The following CAPN11 variants were observed in gnomAD, a reference collection of about 807,000 sequenced individuals.
The protein encoded by CAPN11 is calpain-11.
Under a neutral mutation model 105.3 loss-of-function variants are expected in CAPN11, and 108 were observed. The ratio of observed to expected loss-of-function variants is 1.03; its 90% CI spans 0.88 to 1.20. The LOEUF is 1.20. CAPN11 is among the 50% of genes most tolerant of loss of function. The probability of loss-of-function intolerance (pLI) is 0.00; values close to 1 mark genes in which losing one functional copy is unlikely to be tolerated. For synonymous variants in CAPN11, 329 were observed against 344.5 expected, an observed-to-expected ratio of 0.96 and a Z score of 0.50; for missense variants, 883 against 924.8, an observed-to-expected ratio of 0.95 and a Z score of 0.59.
At chr6:44,159,617 C>A (rs1768339888) in intron 1 of CAPN11, among the ~76,000 whole-genome samples, 1 of 152,138 alleles carries the variant, frequency 6.6e-6, no homozygotes, top group Non-Finnish European at 1.5e-5. Context: ...CAAACCCAGT[C>A]CTTGTTCTTC....
chr6:44,182,890 T>G (rs1774027434), intron 19 of CAPN11, 51 bp from the exon 20 acceptor site: 6 of 1,389,612 alleles, frequency 4.3e-6, no homozygotes, highest in Non-Finnish European at 6.0e-6. Context: ...TTTCATTATT[T>G]CAACCACCAT....
chr6:44,162,606 T>C (rs1769091485), intron 1 of CAPN11, among the ~76,000 whole-genome samples: 1 of 152,082 alleles, frequency 6.6e-6, no homozygotes, highest in Non-Finnish European at 1.5e-5. Flanking sequence ...GACGTCAAAG[T>C]GCACCCCACC....
At chr6:44,182,011 CAT>C (rs199962284) in intron 19 of CAPN11, among the ~76,000 whole-genome samples, 22 of 73,458 alleles carry the variant, frequency 3.0e-4, no homozygotes, top group Admixed American at 9.5e-4. Flanking sequence ...CACACACACA[CAT>C]ACACACTCAC....
intron 11 of CAPN11, 62 bp from the exon 12 acceptor site, chr6:44,177,180 C>A (rs1323052389): frequency 1.8e-5 from 28 of 1,523,314 alleles, no homozygotes; most frequent in Non-Finnish European, 2.3e-5. Context: ...CTCGGTCCAC[C>A]CTGGGAAGGG....
Position 44,176,311 on chromosome 6 carries a change from T to G in CAPN11, c.974T>G (p.Ile325Ser). The G allele has an allele frequency of 1.9e-6, 3 of 1,613,862 alleles. No individual in the cohort carries two copies. The highest frequency in any genetic ancestry group is 2.5e-6 in the Non-Finnish European group (3 of 1,179,856). ...LIRVRNPWGR[I>S]EWNGAWSDSA... ...CGGGTCCGGAATCCCTGGGGCCGGA[T>G]TGAGTGGAATGGAGCTTGGAGTGAC... Residue 325 changes from isoleucine (I) to serine (S), a missense_variant, in exon 9 of 23, where the codon ATT becomes AGT. Physicochemically the swap from Ile to Ser is moderately radical, Grantham distance 142 (BLOSUM62 -2). Coordinates refer to ENST00000398776, the MANE Select transcript of CAPN11 (RefSeq NM_007058.4).
Position 44,180,132 on chromosome 6 carries a change from C to T in CAPN11, c.1609C>T (p.Arg537Trp), listed in dbSNP as rs148790580. Residue 537 changes from arginine (R) to tryptophan (W), a missense_variant, in exon 14 of 23, where the codon CGG (arginine) becomes TGG (tryptophan). Physicochemically the swap from Arg to Trp is moderately radical, Grantham distance 101. Transcript: ENST00000398776. Reference sequence around the variant, plus strand: ...ACACAGAGATGCTGACTTCCTGCTTCGGGTCTTCACCGAGAAGCACAGCGA... The same window carrying T: ...ACACAGAGATGCTGACTTCCTGCTTTGGGTCTTCACCGAGAAGCACAGCGA... ...EPHRDADFLLRVFTEKHSESW... is the reference protein window; with the variant it reads ...EPHRDADFLLWVFTEKHSESW... 12 of 1,613,118 alleles carry T rather than the reference C, an allele frequency of 7.4e-6. No individual in the cohort carries two copies. The highest frequency in any genetic ancestry group is 3.4e-4 in the Middle Eastern group (2 of 5,842).
intron 19 of CAPN11, among the ~76,000 whole-genome samples, chr6:44,182,285 CCA>C (rs70993439): frequency 0.26 from 15,366 of 59,246 alleles, 2,672 homozygotes; most frequent in Middle Eastern, 0.31. Flanking sequence ...CACAACCACA[CCA>C]CACACACACA....
chr6:44,180,857 C>A (rs1773024039), intron 17 of CAPN11, 52 bp downstream of exon 17: 4 of 1,605,698 alleles, frequency 2.5e-6, no homozygotes, highest in Non-Finnish European at 3.4e-6. Flanking sequence ...TTTTGTGCCC[C>A]TCTTGATCAC....
chr6:44,178,955 A>G (rs1311579926), intron 12 of CAPN11, among the ~76,000 whole-genome samples: 1 of 152,080 alleles, frequency 6.6e-6, no homozygotes, highest in Non-Finnish European at 1.5e-5. Context: ...AGCTCAGGAA[A>G]GACTACTGCA....
chr6:44,169,823 G>T, intron 3 of CAPN11, 83 bp from the exon 4 acceptor site: 1 of 1,092,918 alleles, frequency 9.1e-7, no homozygotes, highest in East Asian at 2.6e-5. Flanking sequence ...ACTTCAAGGT[G>T]GGCATCATTC....
At position 44,177,251 on chromosome 6, in the gene CAPN11, G is replaced by A. The variant is rs1272806465; in HGVS notation, c.1247G>A (p.Trp416Ter). ...GGCRNHPGTF[W>*]TNPQFKISLP... ...CCCACTTCCGCCACAGGCACGTTCT[G>A]GACCAACCCCCAGTTTAAGATCTCT... The change falls in exon 12 of 23, where the codon TGG becomes TAG. Residue 416 changes from tryptophan (W) to a stop codon, truncating the protein, a stop_gained. Transcript: ENST00000398776. LOFTEE classifies it high-confidence loss of function. 7 of 1,587,646 alleles carry A rather than the reference G, an allele frequency of 4.4e-6. No individual in the cohort carries two copies. Among genetic ancestry groups the A allele is most frequent in the Non-Finnish European group, 6.0e-6 (7 of 1,167,088 alleles).
Position 44,180,484 on chromosome 6 carries a change from T to C in CAPN11, c.1665T>C (p.Ala555=). Residue 555 remains alanine, a synonymous_variant, in exon 15 of 23, where the codon GCT becomes GCC. Transcript: ENST00000398776. Reference sequence around the variant, plus strand: ...GGGAATTGGATGAAGTCAACTATGCTGAGCAACTCCAAGAGGTGAGGGGAG... The same window carrying C: ...GGGAATTGGATGAAGTCAACTATGCCGAGCAACTCCAAGAGGTGAGGGGAG... ...ESWELDEVNY[A]EQLQEEKVSE... 1.2e-6 allele frequency: 2 copies of C among 1,613,760 alleles called. No homozygotes were observed. Among genetic ancestry groups the C allele is most frequent in the Non-Finnish European group, 8.5e-7 (1 of 1,179,848 alleles).
intron 19 of CAPN11, among the ~76,000 whole-genome samples, chr6:44,181,552 CTCACATACAG>C (rs2128314975): frequency 4.2e-5 from 3 of 70,596 alleles, no homozygotes; most frequent in East Asian, 5.0e-4. Context: ...CACACACACA[CTCACATACAG>C]ACACAACCAC....
rs148051772 is a variant in CAPN11 at position 44,178,032 on chromosome 6, C to T, written c.1416+612C>T. Among the ~76,000 whole-genome samples the T allele has an allele frequency of 7.9e-3, 1,201 of 151,982 alleles. 17 individuals carry two copies. The highest frequency in any genetic ancestry group is 0.028 in the African/African-American group (1,141 of 41,444). On this transcript the variant is annotated intron_variant, in intron 12 of 22. Coordinates refer to ENST00000398776, the MANE Select transcript of CAPN11 (RefSeq NM_007058.4). ...GTCCTGCTAGTTTTTTAAAATTTTT[C>T]GTAAGATAGGGTCTCACTATGTTGC... is the stretch of plus-strand genomic sequence containing the variant.
In CAPN11 at chr6:44,158,844, C is replaced by A; in HGVS notation, c.-5C>A. 3 of 1,551,354 alleles carry A rather than the reference C, an allele frequency of 1.9e-6. No homozygotes were observed. The highest frequency in any genetic ancestry group is 2.6e-6 in the Non-Finnish European group (3 of 1,146,802). ...CAACTGTCAAGCACCGAGCTAGCCA[C>A]CAGCATGCTGTACTCCCCAGGTAGG... On this transcript the variant is annotated 5_prime_UTR_variant, in exon 1 of 23. Transcript: ENST00000398776.
chr6:44,166,125 G>A (rs532657486), intron 1 of CAPN11, among the ~76,000 whole-genome samples: 10 of 152,274 alleles, frequency 6.6e-5, no homozygotes, highest in African/African-American at 2.4e-4. Flanking sequence ...ATCCCAAGGA[G>A]GTACTCGTGT....
chr6:44,177,325 G>T lies in CAPN11; in HGVS notation c.1321G>T (p.Val441Phe). The T allele has an allele frequency of 1.2e-6, 2 of 1,613,946 alleles. No homozygotes were observed. The highest frequency in any genetic ancestry group is 1.7e-6 in the Non-Finnish European group (2 of 1,179,862). The change falls in exon 12 of 23, where the codon GTC becomes TTC. Residue 441 changes from valine (V) to phenylalanine (F), a missense_variant. Val to Phe is a conservative substitution (Grantham distance 50). Coordinates refer to ENST00000398776, the MANE Select transcript of CAPN11 (RefSeq NM_007058.4). ...GGATGACGCAGAGGGCAATGTTGTG[G>T]TCTGCACCTGCCTGGTGGCCCTAAT... ...PEDDAEGNVVVCTCLVALMQK... is the reference protein window; with the variant it reads ...PEDDAEGNVVFCTCLVALMQK...
intron 19 of CAPN11, among the ~76,000 whole-genome samples, chr6:44,182,209 A>ACACACACACACACACAGACACAACCACAC (rs1561855525): frequency 9.7e-6 from 1 of 102,696 alleles, no homozygotes; most frequent in Non-Finnish European, 2.1e-5. Context: ...ACCACACCAC[A>ACACACACACACACACAGACACAACCACAC]CTCACACACA....
intron 22 of CAPN11, 46 bp downstream of exon 22, chr6:44,183,809 T>G (rs774779906): frequency 6.3e-7 from 1 of 1,597,486 alleles, no homozygotes; most frequent in Non-Finnish European, 8.6e-7. Context: ...TGCACCTGCC[T>G]GCCCCTCAAC....
Sources: gnomAD v4.1 joint callset for allele counts (sites outside exome capture counted in the v4.1 genomes callset) on GRCh38, gnomAD v4.1.1 for gene constraint, MANE v1.5 for transcripts, NCBI Gene and HGNC (gene_info 2026-07-23, HGNC 2026-07-21) for gene names.